The following GLG1 variants were observed in gnomAD, a reference collection of about 807,000 sequenced individuals.
GLG1 encodes golgi glycoprotein 1, also known as Golgi apparatus protein 1.
GLG1 carries 38 observed loss-of-function variants against 160.5 expected under a neutral mutation model. The observed-to-expected ratio is 0.24, with a 90% CI of 0.18 to 0.31. The LOEUF is 0.31. Among genes scored for constraint, GLG1 ranks in the 10% least tolerant of loss-of-function variants. The pLI, the probability that GLG1 is intolerant of heterozygous loss-of-function variation, is 1.00. For synonymous variants in GLG1, 644 were observed against 543.4 expected (o/e 1.19, Z -2.57); for missense variants, 1,373 against 1,505.2 (o/e 0.91, Z 1.45).
chr16:74,515,031 G>T (rs562177712), intron 2 of GLG1, among the ~76,000 whole-genome samples: 2 of 151,814 alleles, frequency 1.3e-5, no homozygotes, highest in Admixed American at 6.6e-5. Flanking sequence ...AACCAACAAA[G>T]ATCAAAAGAG....
intron 1 of GLG1, among the ~76,000 whole-genome samples, chr16:74,581,495 A>T (rs1163978311): frequency 2.1e-5 from 3 of 146,250 alleles, no homozygotes; most frequent in African/African-American, 7.5e-5. Context: ...TGGAATGGGA[A>T]GTTGTTATTT....
rs1347852677 is a variant in GLG1 at position 74,453,018 on chromosome 16, T to C, written c.*149A>G. ...GGACACCATGGACACGAGTGGAGGC[T>C]GGATGGGACAACGCAGTGGACATCT... On this transcript the variant is annotated 3_prime_UTR_variant, in exon 26 of 26. Coordinates refer to ENST00000422840, the MANE Select transcript of GLG1 (RefSeq NM_001145667.2). 3.6e-6 allele frequency: 5 copies of C among 1,394,538 alleles called. No homozygotes were observed. The East Asian group carries it at 1.3e-4, about 36-fold the overall frequency. The allele number at this position is 1,394,538 out of a possible 1,614,324, so 86.4% of individuals were successfully genotyped here.
In GLG1 at chr16:74,491,221, T is replaced by A. The variant is rs2015971735; in HGVS notation, c.1235-6A>T. ...CTCACTGCTGACTTGTCGCCCTAAG[T>A]TAGGATGTAAGTCATAACATTACGA... On this transcript the variant is annotated splice_region_variant and splice_polypyrimidine_tract_variant and intron_variant, in intron 7 of 25. Transcript: ENST00000422840. The A allele has an allele frequency of 6.2e-7, 1 of 1,605,306 alleles. No individual in the cohort carries two copies. Among genetic ancestry groups the A allele is most frequent in the African/African-American group, 1.3e-5 (1 of 74,712 alleles).
intron 1 of GLG1, among the ~76,000 whole-genome samples, chr16:74,544,534 T>C (rs1312912326): frequency 6.6e-6 from 1 of 152,136 alleles, no homozygotes; most frequent in Non-Finnish European, 1.5e-5. Flanking sequence ...TGAAATGGAG[T>C]CTCACTCTGT....
At chr16:74,494,611 T>C in intron 6 of GLG1, 149 bp downstream of exon 6, 1 of 419,096 alleles carries the variant, frequency 2.4e-6, no homozygotes, top group Non-Finnish European at 4.5e-6. Context: ...TTCACCATCT[T>C]GGCCAGGCTG....
rs1466713059 is a variant in GLG1, at chr16:74,491,090, C to G, written c.1360G>C (p.Gly454Arg). 6.2e-7 allele frequency: 1 copy of G among 1,614,006 alleles called. No homozygotes were observed. The highest frequency in any genetic ancestry group is 8.5e-7 in the Non-Finnish European group (1 of 1,179,976). Residue 454 changes from glycine (G) to arginine (R), a missense_variant, in exon 8 of 26, where the codon GGA becomes CGA. Physicochemically the swap from Gly to Arg is moderately radical, Grantham distance 125 (BLOSUM62 -2). This residue lies in a region of GLG1 where 386 missense variants were observed against 388.5 expected (regional missense o/e 0.99). Coordinates refer to ENST00000422840, the MANE Select transcript of GLG1 (RefSeq NM_001145667.2). ...AGGGTCCGCCCTTTTCGATGTAATC[C>G]GGAACAATGGTGTTCAATCTCCCCC... ...CRGEIEHHCS[G>R]LHRKGRTLHC...
intron 10 of GLG1, among the ~76,000 whole-genome samples, chr16:74,481,685 A>T (rs1421754908): frequency 6.6e-6 from 1 of 152,214 alleles, no homozygotes; most frequent in Non-Finnish European, 1.5e-5. Flanking sequence ...ATGTGGGCAA[A>T]ACACATGCAC....
At chr16:74,558,736 G>A (rs776314290) in intron 1 of GLG1, among the ~76,000 whole-genome samples, 4 of 152,128 alleles carry the variant, frequency 2.6e-5, no homozygotes, top group South Asian at 2.1e-4. Flanking sequence ...TTGACCCTAC[G>A]AGTTTCATGG....
At position 74,455,943 on chromosome 16, in the gene GLG1, T is replaced by C. The variant is rs528059056; in HGVS notation, c.3372+706A>G. Reference sequence around the variant, plus strand: ...TGCACGAGAAGAACTGTTATTCTTCTCACTGAGGCTGAACCTCTGTAGGAA... The same window carrying C: ...TGCACGAGAAGAACTGTTATTCTTCCCACTGAGGCTGAACCTCTGTAGGAA... On this transcript the variant is annotated intron_variant, in intron 25 of 25. Coordinates refer to ENST00000422840, the MANE Select transcript of GLG1 (RefSeq NM_001145667.2). 9.8e-5 allele frequency among the ~76,000 whole-genome samples: 15 copies of C among 152,320 alleles called. No individual in the cohort carries two copies. In the South Asian group the frequency reaches 2.5e-3, roughly 25 times the overall value.
chr16:74,496,419 AAC>A lies in GLG1; in HGVS notation c.978+20_978+21del. On this transcript the variant is annotated intron_variant, in intron 5 of 25. Coordinates refer to ENST00000422840, the MANE Select transcript of GLG1 (RefSeq NM_001145667.2). ...TGTGTAAAAATAAAAGGAAGAAAAG[AAC>A]AGTTTCTGAGCTGACTCACATTTTC... is the stretch of plus-strand genomic sequence containing the variant. 6.7e-7 allele frequency: 1 copy of A among 1,495,550 alleles called. No homozygotes were observed. Among genetic ancestry groups the A allele is most frequent in the Non-Finnish European group, 9.3e-7 (1 of 1,075,258 alleles). 92.6% of individuals were successfully genotyped at this position (1,495,550 alleles called of 1,614,324 possible). A position where few individuals can be genotyped will look rare whatever the true frequency, so the allele number is the denominator to read the frequency against.
intron 1 of GLG1, among the ~76,000 whole-genome samples, chr16:74,558,411 T>C (rs2018410831): frequency 6.6e-6 from 1 of 152,224 alleles, no homozygotes; most frequent in Non-Finnish European, 1.5e-5. Context: ...GATAATAAAA[T>C]GAAAGTGTGT....
At chr16:74,553,825 A>G (rs937565286) in intron 1 of GLG1, among the ~76,000 whole-genome samples, 4 of 152,180 alleles carry the variant, frequency 2.6e-5, no homozygotes, top group African/African-American at 7.2e-5. Context: ...AACTTCAGTT[A>G]TTGTATTCTG....
chr16:74,591,400 A>G (rs933164239), intron 1 of GLG1, among the ~76,000 whole-genome samples: 2 of 151,914 alleles, frequency 1.3e-5, no homozygotes, highest in African/African-American at 4.8e-5. Flanking sequence ...AGGCTGAGGC[A>G]GGTGGATCAC....
At chr16:74,572,629 G>A (rs1182611326) in intron 1 of GLG1, among the ~76,000 whole-genome samples, 2 of 151,952 alleles carry the variant, frequency 1.3e-5, no homozygotes, top group African/African-American at 4.8e-5. Context: ...AGAGGGCATA[G>A]AAGCTCCTTG....
At chr16:74,486,657 G>A (rs1274193801) in intron 8 of GLG1, among the ~76,000 whole-genome samples, 2 of 152,088 alleles carry the variant, frequency 1.3e-5, no homozygotes, top group Non-Finnish European at 2.9e-5. Context: ...CTGCCTTTAA[G>A]GCACTTGGGG....
rs575501697 is a variant in GLG1 at position 74,512,903 on chromosome 16, G to A, written c.472-3978C>T. ...GTCTTGGTAGCAGTCCAGTCATCCT[G>A]GGCTTGATCCTCAGGGATAAGAAGC... On this transcript the variant is annotated intron_variant, in intron 2 of 25. Coordinates refer to ENST00000422840, the MANE Select transcript of GLG1 (RefSeq NM_001145667.2). Among the ~76,000 whole-genome samples, 10 of 152,262 alleles carry A rather than the reference G, an allele frequency of 6.6e-5. No homozygotes were observed. In the South Asian group the frequency reaches 1.9e-3, roughly 28 times the overall value.
chr16:74,579,451 G>C (rs909956093), intron 1 of GLG1, among the ~76,000 whole-genome samples: 2 of 152,064 alleles, frequency 1.3e-5, no homozygotes, highest in Non-Finnish European at 2.9e-5. Context: ...GCCAGGCGCA[G>C]TGGCTCACGT....
chr16:74,462,471 A>G lies in GLG1; in HGVS notation c.2934+17T>C, dbSNP rs2014840049. ...GCTCCATAAATACACCTTTGTGGAG[A>G]GCCCAGGCCAGTTTACCTGGTCAGC... On this transcript the variant is annotated intron_variant, in intron 21 of 25. Transcript: ENST00000422840. The G allele has an allele frequency of 2.5e-6, 4 of 1,606,844 alleles. No individual in the cohort carries two copies. In the East Asian group the frequency reaches 8.9e-5, roughly 36 times the overall value.
rs530028880 is a variant in GLG1, at chr16:74,524,549, T to A, written c.471+7572A>T. On this transcript the variant is annotated intron_variant, in intron 2 of 25. Coordinates refer to ENST00000422840, the MANE Select transcript of GLG1 (RefSeq NM_001145667.2). ...CAGTACTATGGTCTTTTTTTTTTTT[T>A]AAAGTCCTTATCCTTTAGAGTATTT... 6.6e-3 allele frequency among the ~76,000 whole-genome samples: 1,003 copies of A among 152,018 alleles called. 13 individuals carry two copies. Among genetic ancestry groups the A allele is most frequent in the African/African-American group, 0.022 (911 of 41,516 alleles).
Sources: allele counts gnomAD v4.1 joint callset (sites outside exome capture counted in the v4.1 genomes callset), GRCh38; gene constraint gnomAD v4.1.1; regional missense constraint gnomAD v4.1.1; transcripts MANE v1.5; gene names NCBI Gene and HGNC (gene_info 2026-07-23, HGNC 2026-07-21).